The following ZNF263 variants were observed in gnomAD, a reference collection of about 807,000 sequenced individuals.
ZNF263 encodes zinc finger protein 263, also known as zinc finger protein FPM315.
A neutral mutation model predicts 63.1 loss-of-function variants in ZNF263; 49 were observed. That is an observed-to-expected ratio of 0.78 (90% CI 0.62 to 0.99). The LOEUF (loss-of-function observed/expected upper bound fraction) is 0.99. Among genes scored for constraint, ZNF263 ranks in the 50% least tolerant of loss-of-function variants. The pLI is 0.00. For synonymous variants in ZNF263, 352 were observed against 324.2 expected (o/e 1.09, Z -0.92); for missense variants, 872 against 854.8 (o/e 1.02, Z -0.25).
At chr16:3,285,303 G>A (rs1959305258) in intron 2 of ZNF263, 64 bp downstream of exon 2, 1 of 1,494,052 alleles carries the variant, frequency 6.7e-7, no homozygotes, top group Non-Finnish European at 9.1e-7. Flanking sequence ...CCCGACACTA[G>A]CTGGATGTAG....
rs998923244 is a variant in ZNF263, at chr16:3,291,395, T to C, written c.*837T>C. On this transcript the variant is annotated 3_prime_UTR_variant, in exon 6 of 6. Transcript: ENST00000219069. ...TGAAAATGTGAATCCTAGGGGGAAA[T>C]TGGGGATTGTGTCTTTCCCTGTTGA... The C allele has an allele frequency of 9.1e-6, 9 of 985,178 alleles. No homozygotes were observed. The highest frequency in any genetic ancestry group is 1.1e-5 in the Non-Finnish European group (9 of 829,898). The allele number at this position is 985,178 out of a possible 1,614,324, so 61.0% of individuals were successfully genotyped here.
At chr16:3,301,023 A>T (rs1176774558) in exon 3 of ZNF263, 1 of 175,954 alleles carries the variant, frequency 5.7e-6, no homozygotes, top group Non-Finnish European at 1.3e-5. Flanking sequence ...TGTGCCCACA[A>T]GACAGGTGTG....
chr16:3,299,419 C>T (rs1385066411), intron 2 of ZNF263: 2 of 1,558,304 alleles, frequency 1.3e-6, no homozygotes, highest in Non-Finnish European at 8.7e-7. Flanking sequence ...AAGATTTTCC[C>T]ATGCATTTGC....
In ZNF263 at chr16:3,284,025, G is replaced by T; in HGVS notation, c.207G>T (p.Trp69Cys). 6.2e-7 allele frequency: 1 copy of T among 1,613,864 alleles called. No individual in the cohort carries two copies. The highest frequency in any genetic ancestry group is 8.5e-7 in the Non-Finnish European group (1 of 1,179,924). Residue 69 changes from tryptophan (W) to cysteine (C), a missense_variant, in exon 1 of 6, where the codon TGG becomes TGT. By Grantham distance (215) the Trp-to-Cys change is radical. Transcript: ENST00000219069. ...LSRLQELCHG[W>C]LRPEMRTKEQ... ...GGCTCCAAGAGCTTTGCCATGGGTG[G>T]CTTCGGCCTGAGATGCGCACGAAGG... is the stretch of plus-strand genomic sequence containing the variant.
At chr16:3,286,425 C>T (rs1052666764) in intron 4 of ZNF263, 3 of 281,164 alleles carry the variant, frequency 1.1e-5, no homozygotes, top group African/African-American at 2.2e-5. Flanking sequence ...GCGGTGACAA[C>T]CTGCCAGCAT....
exon 3 of ZNF263, chr16:3,301,394 G>A (rs2150780297): frequency 6.0e-6 from 1 of 167,198 alleles, no homozygotes; most frequent in East Asian, 1.9e-4. Context: ...GTATTGTCAA[G>A]CACCGTGCTT....
chr16:3,289,168 G>A (rs1484253357), intron 5 of ZNF263, among the ~76,000 whole-genome samples: 1 of 152,140 alleles, frequency 6.6e-6, no homozygotes, highest in African/African-American at 2.4e-5. Flanking sequence ...GGCTCAGGTG[G>A]AAAGGAAAAT....
chr16:3,289,491 C>T lies in ZNF263; in HGVS notation c.985C>T (p.Pro329Ser), dbSNP rs1169909443. Residue 329 changes from proline (P) to serine (S), a missense_variant, in exon 6 of 6, where the codon CCC (proline) becomes TCC (serine). Coordinates refer to ENST00000219069, the MANE Select transcript of ZNF263 (RefSeq NM_005741.5). ...LLPDQARGEV[P>S]WSPELGRPHD... ...TCCTGACCAGGCCCGAGGGGAGGTG[C>T]CCTGGAGTCCTGAGCTGGGAAGACC... is the stretch of plus-strand genomic sequence containing the variant. 7.1e-6 allele frequency: 11 copies of T among 1,558,556 alleles called. No individual in the cohort carries two copies. The South Asian group carries it at 1.4e-4, about 19-fold the overall frequency.
chr16:3,288,390 C>A, intron 4 of ZNF263, 64 bp from the exon 5 acceptor site: 1 of 1,217,468 alleles, frequency 8.2e-7, no homozygotes. Flanking sequence ...GGGAACAAGA[C>A]TGTTTCCCTA....
chr16:3,286,335 G>A, intron 4 of ZNF263, 186 bp downstream of exon 4: 1 of 788,150 alleles, frequency 1.3e-6, no homozygotes, highest in Non-Finnish European at 1.8e-6. Flanking sequence ...GGCACAGGCA[G>A]CCCGGGACTG....
intron 1 of ZNF263, among the ~76,000 whole-genome samples, chr16:3,297,410 C>T (rs1304691284): frequency 6.6e-6 from 1 of 150,982 alleles, no homozygotes; most frequent in Non-Finnish European, 1.5e-5. Context: ...ACTATAATTG[C>T]CTAGTATTCA....
downstream of ZNF263, chr16:3,291,496 C>T (rs964383361): frequency 4.1e-6 from 4 of 985,364 alleles, no homozygotes; most frequent in Non-Finnish European, 4.8e-6. Context: ...TCTGTCTAGA[C>T]CCCCGAGTGT....
downstream of ZNF263, among the ~76,000 whole-genome samples, chr16:3,293,986 C>G (rs995506299): frequency 2.0e-5 from 3 of 152,200 alleles, no homozygotes; most frequent in African/African-American, 7.2e-5. Context: ...AGTGCAGTGG[C>G]ACGATCTCGG....
In ZNF263 at chr16:3,284,006, A is replaced by C. The variant is rs2150771134; in HGVS notation, c.188A>C (p.Gln63Pro). 1.2e-6 allele frequency: 2 copies of C among 1,613,920 alleles called. No individual in the cohort carries two copies. Among genetic ancestry groups the C allele is most frequent in the East Asian group, 4.5e-5 (2 of 44,872 alleles). Residue 63 changes from glutamine to proline, a missense_variant, in exon 1 of 6, where the codon CAA becomes CCA. Physicochemically the swap from Gln to Pro is moderately conservative, Grantham distance 76. Coordinates refer to ENST00000219069, the MANE Select transcript of ZNF263 (RefSeq NM_005741.5). Reference sequence around the variant, plus strand: ...CCCCGGGAAGCCCTCAGCCGGCTCCAAGAGCTTTGCCATGGGTGGCTTCGG... The same window carrying C: ...CCCCGGGAAGCCCTCAGCCGGCTCCCAGAGCTTTGCCATGGGTGGCTTCGG... ...AGPREALSRL[Q>P]ELCHGWLRPE...
rs915396452 is a variant in ZNF263 at position 3,290,077 on chromosome 16, G to A, written c.1571G>A (p.Gly524Glu). The A allele has an allele frequency of 1.2e-6, 2 of 1,614,116 alleles. No individual in the cohort carries two copies. Among genetic ancestry groups the A allele is most frequent in the African/African-American group, 2.7e-5 (2 of 75,024 alleles). The change falls in exon 6 of 6, where the codon GGG becomes GAG. Residue 524 changes from glycine (G) to glutamate (E), a missense_variant. Gly to Glu is a moderately conservative substitution (Grantham distance 98, BLOSUM62 -2). Coordinates refer to ENST00000219069, the MANE Select transcript of ZNF263 (RefSeq NM_005741.5). ...CGACCTTATAAGTGTCCCGAGTGTGGGAAAAGTTTCTCTCGGAGTTCACAC... is the reference window on the plus strand; with the variant it reads ...CGACCTTATAAGTGTCCCGAGTGTGAGAAAAGTTTCTCTCGGAGTTCACAC... ...GERPYKCPEC[G>E]KSFSRSSHLV...
chr16:3,289,787 A>G lies in ZNF263; in HGVS notation c.1281A>G (p.Ala427=). 7 of 1,614,224 alleles carry G rather than the reference A, an allele frequency of 4.3e-6. No homozygotes were observed. The highest frequency in any genetic ancestry group is 5.9e-6 in the Non-Finnish European group (7 of 1,180,030). Residue 427 remains alanine, a synonymous_variant, in exon 6 of 6, where the codon GCA becomes GCG. Coordinates refer to ENST00000219069, the MANE Select transcript of ZNF263 (RefSeq NM_005741.5). The part of the protein sequence containing the change: ...GNPRFLSLHR[A]HLGEEAHKCL... ...CACGTTTCCTGTCACTACACAGAGC[A>G]CACCTGGGAGAGGAGGCCCACAAGT...
At chr16:3,298,284 C>T (rs193134804) in intron 1 of ZNF263, among the ~76,000 whole-genome samples, 1 of 152,152 alleles carries the variant, frequency 6.6e-6, no homozygotes, top group South Asian at 2.1e-4. Flanking sequence ...AAATCTGTTT[C>T]CTTATGTATT....
chr16:3,293,310 C>T (rs1959663743), downstream of ZNF263: 1 of 152,208 alleles, frequency 6.6e-6, no homozygotes, highest in South Asian at 2.1e-4. Flanking sequence ...AAGAAGGTAC[C>T]TACTTCCCCT....
At chr16:3,287,973 C>T (rs534019802) in intron 4 of ZNF263, among the ~76,000 whole-genome samples, 6 of 151,592 alleles carry the variant, frequency 4.0e-5, no homozygotes, top group African/African-American at 9.7e-5. Flanking sequence ...AAAAATTGGC[C>T]GGGCGCAGTG....
Sources: gnomAD v4.1 joint callset for allele counts (sites outside exome capture counted in the v4.1 genomes callset) on GRCh38, gnomAD v4.1.1 for gene constraint, MANE v1.5 for transcripts, NCBI Gene and HGNC (gene_info 2026-07-23, HGNC 2026-07-21) for gene names.